Variants in FAM135B observed in about 807,000 individuals in gnomAD.
FAM135B encodes protein FAM135B.
In FAM135B, 43 loss-of-function variants were observed where a neutral mutation model predicts 127.7. The ratio of observed to expected loss-of-function variants is 0.34; its 90% CI spans 0.26 to 0.43. The LOEUF (loss-of-function observed/expected upper bound fraction) is 0.43. Ranked by LOEUF, FAM135B falls within the 20% of genes least tolerant of loss-of-function variation. The pLI, the probability that FAM135B is intolerant of heterozygous loss-of-function variation, is 1.00. For missense variants in FAM135B, 1,558 were observed against 1,725.6 expected, an observed-to-expected ratio of 0.90 and a Z score of 1.72; for synonymous variants, 670 against 665.1, an observed-to-expected ratio of 1.01 and a Z score of -0.11.
intron 7 of FAM135B, among the ~76,000 whole-genome samples, chr8:138,207,500 G>A (rs1385583976): frequency 2.0e-5 from 3 of 152,002 alleles, no homozygotes; most frequent in Admixed American, 6.6e-5. Context: ...ATGAGTCACC[G>A]CGCCCCACCT....
chr8:138,157,575 A>ATT (rs1287078530), intron 12 of FAM135B, among the ~76,000 whole-genome samples: 28,274 of 152,024 alleles, frequency 0.19, 2,612 homozygotes, highest in East Asian at 0.24. Context: ...AATCTCCTGA[A>ATT]GCTGATAAGC....
intron 7 of FAM135B, among the ~76,000 whole-genome samples, chr8:138,228,785 G>A (rs148290324): frequency 1.3e-5 from 2 of 151,420 alleles, no homozygotes; most frequent in South Asian, 2.1e-4. Flanking sequence ...GCTTGCAAGC[G>A]CTGCCTGCAA....
chr8:138,226,184 T>TGTGTGTGCGCGCGCGC, intron 7 of FAM135B, among the ~76,000 whole-genome samples: 23 of 139,286 alleles, frequency 1.7e-4, no homozygotes, highest in African/African-American at 4.8e-4. Flanking sequence ...TGTGTGTGTG[T>TGTGTGTGCGCGCGCGC]GCGCGCATGT....
At chr8:138,143,235 G>A (rs1170888965) in intron 15 of FAM135B, 126 bp from the exon 16 acceptor site, 9 of 617,782 alleles carry the variant, frequency 1.5e-5, no homozygotes, top group East Asian at 1.1e-4. Flanking sequence ...CTGATGTTAC[G>A]GCTACAGGAT....
chr8:138,164,612 A>G (rs1253300094), intron 12 of FAM135B, among the ~76,000 whole-genome samples: 1 of 152,232 alleles, frequency 6.6e-6, no homozygotes, highest in Non-Finnish European at 1.5e-5. Context: ...CTCATCAGAA[A>G]CTCAAAAGAA....
intron 1 of FAM135B, among the ~76,000 whole-genome samples, chr8:138,436,637 T>C (rs1353086962): frequency 6.6e-6 from 1 of 152,202 alleles, no homozygotes. Flanking sequence ...TTACACAGCA[T>C]GTCAACATAG....
At chr8:138,180,829 C>T (rs764173578) in intron 9 of FAM135B, among the ~76,000 whole-genome samples, 16 of 152,166 alleles carry the variant, frequency 1.1e-4, no homozygotes, top group South Asian at 2.1e-4. Context: ...ATGAGGGAAT[C>T]GCCTGCATTT....
chr8:138,288,599 G>C (rs1041803548), intron 3 of FAM135B, among the ~76,000 whole-genome samples: 1 of 152,150 alleles, frequency 6.6e-6, no homozygotes, highest in African/African-American at 2.4e-5. Flanking sequence ...GGAAACGGAG[G>C]AAGTCCACTG....
At chr8:138,493,016 C>T (rs1815263129) in intron 1 of FAM135B, among the ~76,000 whole-genome samples, 1 of 152,118 alleles carries the variant, frequency 6.6e-6, no homozygotes, top group Non-Finnish European at 1.5e-5. Flanking sequence ...CCAGGCACAT[C>T]ACAGCACCAC....
At chr8:138,252,138 G>A (rs976320426) in intron 5 of FAM135B, among the ~76,000 whole-genome samples, 1 of 152,192 alleles carries the variant, frequency 6.6e-6, no homozygotes, top group African/African-American at 2.4e-5. Flanking sequence ...GAAGGGTCTA[G>A]GCCATGAATC....
chr8:138,237,379 T>C (rs1820383924), intron 7 of FAM135B, among the ~76,000 whole-genome samples: 2 of 152,140 alleles, frequency 1.3e-5, no homozygotes, highest in East Asian at 1.9e-4. Context: ...CAGGCTGTTC[T>C]TGAACTCCTG....
intron 1 of FAM135B, among the ~76,000 whole-genome samples, chr8:138,369,130 T>C (rs968097246): frequency 2.0e-5 from 3 of 152,148 alleles, no homozygotes; most frequent in Non-Finnish European, 4.4e-5. Context: ...TGCAAGATAC[T>C]GAGTAGACTC....
intron 1 of FAM135B, among the ~76,000 whole-genome samples, chr8:138,442,232 G>T (rs1445840226): frequency 2.3e-4 from 4 of 17,030 alleles, no homozygotes; most frequent in African/African-American, 8.8e-4. Flanking sequence ...GAAGAATATG[G>T]ACACCATATA....
intron 11 of FAM135B, among the ~76,000 whole-genome samples, chr8:138,171,626 C>T (rs1313377379): frequency 6.6e-6 from 1 of 152,162 alleles, no homozygotes; most frequent in East Asian, 1.9e-4. Flanking sequence ...ATGCAGGGAA[C>T]TAGGGAGCTC....
intron 1 of FAM135B, among the ~76,000 whole-genome samples, chr8:138,458,059 C>T (rs575337590): frequency 7.3e-5 from 11 of 151,624 alleles, no homozygotes; most frequent in African/African-American, 2.4e-4. Flanking sequence ...GGTTGAGACA[C>T]GAGAATCACT....
chr8:138,175,290 T>C (rs953113967), intron 11 of FAM135B, among the ~76,000 whole-genome samples: 1 of 152,050 alleles, frequency 6.6e-6, no homozygotes, highest in African/African-American at 2.4e-5. Flanking sequence ...TCTCCTACTT[T>C]CTCATTCTAT....
intron 10 of FAM135B, among the ~76,000 whole-genome samples, chr8:138,177,986 T>G (rs1325125727): frequency 6.6e-6 from 1 of 152,198 alleles, no homozygotes; most frequent in Non-Finnish European, 1.5e-5. Flanking sequence ...GGCTCATGCC[T>G]GTAATCCCAG....
At chr8:138,169,643 C>T (rs1460385410) in intron 11 of FAM135B, among the ~76,000 whole-genome samples, 2 of 152,052 alleles carry the variant, frequency 1.3e-5, no homozygotes, top group Admixed American at 6.6e-5. Context: ...GTACCTTTTG[C>T]CACCTTCTGA....
chr8:138,367,851 G>T lies in FAM135B; in HGVS notation c.77+56C>A. On this transcript the variant is annotated intron_variant, in intron 2 of 19. Coordinates refer to ENST00000395297, the MANE Select transcript of FAM135B (RefSeq NM_015912.4). ...CCACCTCCACCTTCTTCCACGGAAA[G>T]AAACAAACAACACACACACACACAC... The T allele has an allele frequency of 6.0e-6, 8 of 1,333,780 alleles. No individual in the cohort carries two copies. The South Asian group carries it at 8.7e-5, about 15-fold the overall frequency. 82.6% of individuals were successfully genotyped at this position (1,333,780 alleles called of 1,614,324 possible). A position where few individuals can be genotyped will look rare whatever the true frequency, so the allele number is the denominator to read the frequency against.
Sources: gnomAD v4.1 joint callset for allele counts (sites outside exome capture counted in the v4.1 genomes callset) on GRCh38, gnomAD v4.1.1 for gene constraint, MANE v1.5 for transcripts, NCBI Gene and HGNC (gene_info 2026-07-23, HGNC 2026-07-21) for gene names.